The following MAPRE2 variants were observed in gnomAD, a reference collection of about 807,000 sequenced individuals.
The protein encoded by MAPRE2 is microtubule-associated protein RP/EB family member 2.
A neutral mutation model predicts 43.2 loss-of-function variants in MAPRE2; 13 were observed. The observed-to-expected ratio is 0.30, with a 90% CI of 0.20 to 0.48. The LOEUF (loss-of-function observed/expected upper bound fraction) is 0.48, where lower values mean the gene tolerates loss of function less well. Ranked by LOEUF, MAPRE2 falls within the 20% of genes least tolerant of loss-of-function variation. The pLI is 0.99. For synonymous variants in MAPRE2, 135 were observed against 148.8 expected (o/e 0.91, Z 0.68); for missense variants, 161 against 400.2 (o/e 0.40, Z 5.10).
chr18:35,103,177 A>T (rs1908757094), intron 4 of MAPRE2, among the ~76,000 whole-genome samples: 1 of 152,180 alleles, frequency 6.6e-6, no homozygotes, highest in Non-Finnish European at 1.5e-5. Flanking sequence ...TTTAAAAATA[A>T]ATATTTTTAA....
chr18:35,131,079 T>C (rs1010614825), intron 5 of MAPRE2, among the ~76,000 whole-genome samples: 2 of 152,174 alleles, frequency 1.3e-5, no homozygotes, highest in Admixed American at 6.5e-5. Context: ...ACTAGAGAAA[T>C]TGAGACAGAT....
chr18:35,088,391 C>T (rs886241052), intron 2 of MAPRE2, among the ~76,000 whole-genome samples: 8 of 152,102 alleles, frequency 5.3e-5, no homozygotes, highest in Non-Finnish European at 1.0e-4. Flanking sequence ...ATGAAGGGAG[C>T]TTCCTAAAAG....
At chr18:35,137,306 C>T (rs1910434351) in intron 6 of MAPRE2, among the ~76,000 whole-genome samples, 1 of 152,178 alleles carries the variant, frequency 6.6e-6, no homozygotes, top group African/African-American at 2.4e-5. Context: ...AGCAGCTGCC[C>T]TGGGCATCTG....
At chr18:35,019,289 G>A (rs2097040467) in intron 2 of MAPRE2, among the ~76,000 whole-genome samples, 1 of 152,006 alleles carries the variant, frequency 6.6e-6, no homozygotes, top group African/African-American at 2.4e-5. Context: ...CAGATGAGAA[G>A]AATGTATATT....
intron 1 of MAPRE2, among the ~76,000 whole-genome samples, chr18:35,000,820 G>A (rs2097028920): frequency 6.6e-6 from 1 of 152,134 alleles, no homozygotes; most frequent in Non-Finnish European, 1.5e-5. Context: ...ACGCGAAGGG[G>A]GATTTTGCAA....
chr18:35,110,938 T>C (rs1010615731), intron 4 of MAPRE2, among the ~76,000 whole-genome samples: 6 of 152,194 alleles, frequency 3.9e-5, no homozygotes, highest in Non-Finnish European at 8.8e-5. Context: ...TCTGTTTGAA[T>C]TTATCTTGTT....
intron 1 of MAPRE2, among the ~76,000 whole-genome samples, chr18:35,002,080 A>T (rs1250421769): frequency 6.6e-6 from 1 of 152,018 alleles, no homozygotes; most frequent in African/African-American, 2.4e-5. Context: ...AATCACACTC[A>T]TTTCCCTCCA....
At chr18:35,123,255 C>T (rs1490516597) in intron 4 of MAPRE2, among the ~76,000 whole-genome samples, 1 of 152,112 alleles carries the variant, frequency 6.6e-6, no homozygotes, top group Non-Finnish European at 1.5e-5. Context: ...TAGTGGTAGC[C>T]CTTTATTGTA....
rs1376480862 is a variant in MAPRE2 at position 34,999,708 on chromosome 18, T to C, written c.-69-5784T>C. On this transcript the variant is annotated intron_variant, in intron 1 of 7. Transcript: ENST00000413393. ...ACAATATGGGTCATTTGGTAGTTTGTCTTTCTGAAGGAGAAGAATGAGTTG... is the reference window on the plus strand; with the variant it reads ...ACAATATGGGTCATTTGGTAGTTTGCCTTTCTGAAGGAGAAGAATGAGTTG... Among the ~76,000 whole-genome samples the C allele has an allele frequency of 3.9e-5, 6 of 152,340 alleles. No homozygotes were observed. In the East Asian group the frequency reaches 9.6e-4, roughly 24 times the overall value.
At chr18:35,017,573 T>TGG (rs1433206733) in intron 2 of MAPRE2, among the ~76,000 whole-genome samples, 29 of 151,256 alleles carry the variant, frequency 1.9e-4, no homozygotes, top group African/African-American at 5.8e-4. Flanking sequence ...GTTTTTTGTT[T>TGG]TTTTTTTACA....
intron 1 of MAPRE2, chr18:34,988,813 G>A (rs1233874511): frequency 6.6e-6 from 1 of 152,166 alleles, no homozygotes; most frequent in African/African-American, 2.4e-5. Context: ...CCAAGCAATG[G>A]ATTCCTCAGC....
chr18:35,094,599 GT>G (rs1012134184), intron 2 of MAPRE2, among the ~76,000 whole-genome samples: 1 of 152,216 alleles, frequency 6.6e-6, no homozygotes, highest in Non-Finnish European at 1.5e-5. Context: ...TCAGTTAGTG[GT>G]TTAGGTTGAA....
chr18:34,994,235 A>C (rs2097025304), intron 1 of MAPRE2, among the ~76,000 whole-genome samples: 1 of 152,108 alleles, frequency 6.6e-6, no homozygotes, highest in African/African-American at 2.4e-5. Context: ...TAGGCTCCAA[A>C]AAATTTGAAG....
At chr18:35,098,155 G>A (rs1371798864) in intron 3 of MAPRE2, among the ~76,000 whole-genome samples, 1 of 152,180 alleles carries the variant, frequency 6.6e-6, no homozygotes, top group East Asian at 1.9e-4. Flanking sequence ...TTGTCCTGGA[G>A]TGGTGCAAAT....
intron 2 of MAPRE2, among the ~76,000 whole-genome samples, chr18:35,024,820 G>A (rs1380871323): frequency 1.3e-5 from 2 of 152,158 alleles, no homozygotes; most frequent in Non-Finnish European, 2.9e-5. Context: ...TAACCTCTGA[G>A]GGGACTGATT....
At chr18:35,074,139 C>T (rs998079135) in intron 2 of MAPRE2, among the ~76,000 whole-genome samples, 3 of 152,130 alleles carry the variant, frequency 2.0e-5, no homozygotes, top group African/African-American at 4.8e-5. Context: ...ATCTATTGCT[C>T]ACCTAGATCT....
At chr18:35,106,517 T>A (rs1428477593) in intron 4 of MAPRE2, among the ~76,000 whole-genome samples, 1 of 152,152 alleles carries the variant, frequency 6.6e-6, no homozygotes, top group Non-Finnish European at 1.5e-5. Flanking sequence ...TGCTTTTACA[T>A]TGTACAGACT....
chr18:34,982,677 G>A (rs1425672737), intron 1 of MAPRE2, among the ~76,000 whole-genome samples: 1 of 151,500 alleles, frequency 6.6e-6, no homozygotes, highest in African/African-American at 2.4e-5. Flanking sequence ...GAATTAATTG[G>A]TAAATTTGCT....
intron 2 of MAPRE2, among the ~76,000 whole-genome samples, chr18:35,017,486 G>A (rs1421224169): frequency 2.0e-5 from 3 of 151,740 alleles, no homozygotes; most frequent in Middle Eastern, 3.4e-3. Flanking sequence ...TCTTTCAGCA[G>A]TGTTTTGTAG....
Sources: allele counts gnomAD v4.1 joint callset (sites outside exome capture counted in the v4.1 genomes callset), GRCh38; gene constraint gnomAD v4.1.1; transcripts MANE v1.5; gene names NCBI Gene and HGNC (gene_info 2026-07-23, HGNC 2026-07-21).